PKIG: variants seen among roughly 807,000 people sequenced by gnomAD.
PKIG encodes cAMP-dependent protein kinase inhibitor gamma, also known as protein kinase (cAMP-dependent, catalytic) inhibitor gamma.
In PKIG, 1 loss-of-function variant was observed where a neutral mutation model predicts 6.8. The observed-to-expected ratio is 0.15, with a 90% CI of 0.05 to 0.69. PKIG has a LOEUF of 0.69. Ranked by LOEUF, PKIG falls within the 30% of genes least tolerant of loss-of-function variation. PKIG has a pLI of 0.82. For missense variants in PKIG, 77 were observed against 104.0 expected (o/e 0.74, Z 1.13); for synonymous variants, 39 against 43.0 (o/e 0.91, Z 0.36).
chr20:44,611,621 A>G (rs1444790937), intron 2 of PKIG, among the ~76,000 whole-genome samples: 1 of 150,572 alleles, frequency 6.6e-6, no homozygotes, highest in African/African-American at 2.5e-5. Flanking sequence ...GGTTCACGCC[A>G]TTCTCCTGCC....
chr20:44,534,163 G>A (rs773219018), intron 1 of PKIG, among the ~76,000 whole-genome samples: 1 of 152,152 alleles, frequency 6.6e-6, no homozygotes, highest in Non-Finnish European at 1.5e-5. Flanking sequence ...AATGCTGTTG[G>A]CAAAGAGCCA....
chr20:44,537,978 C>G (rs1360711750), intron 1 of PKIG, among the ~76,000 whole-genome samples: 1 of 152,144 alleles, frequency 6.6e-6, no homozygotes, highest in African/African-American at 2.4e-5. Context: ...GAGTATGTCA[C>G]AATTCTGTTA....
chr20:44,566,717 A>T (rs1182875118), intron 1 of PKIG, among the ~76,000 whole-genome samples: 1 of 152,168 alleles, frequency 6.6e-6, no homozygotes, highest in Non-Finnish European at 1.5e-5. Flanking sequence ...GTGGTGGTGC[A>T]CACTTGTAAT....
At chr20:44,591,983 A>G (rs4812841) in intron 2 of PKIG, among the ~76,000 whole-genome samples, 4,062 of 152,264 alleles carry the variant, frequency 0.027, 197 homozygotes, top group Admixed American at 0.14. Flanking sequence ...GGACCGGTCT[A>G]CAGAGGGGAG....
chr20:44,584,146 AG>A (rs1385901309), intron 1 of PKIG, among the ~76,000 whole-genome samples: 2 of 152,180 alleles, frequency 1.3e-5, no homozygotes, highest in Non-Finnish European at 2.9e-5. Context: ...CCATTGACTG[AG>A]GACAACCATC....
intron 2 of PKIG, among the ~76,000 whole-genome samples, chr20:44,599,940 G>T (rs948432839): frequency 2.6e-5 from 4 of 152,246 alleles, no homozygotes; most frequent in African/African-American, 9.6e-5. Context: ...GGGCAGCTCT[G>T]CCAGGGCTTT....
chr20:44,555,782 A>G (rs936091659), intron 1 of PKIG, among the ~76,000 whole-genome samples: 2 of 152,198 alleles, frequency 1.3e-5, no homozygotes, highest in African/African-American at 4.8e-5. Flanking sequence ...CTTGTGTGAT[A>G]AGGTCATAAA....
chr20:44,594,978 C>T (rs2065063099), intron 2 of PKIG, among the ~76,000 whole-genome samples: 1 of 152,198 alleles, frequency 6.6e-6, no homozygotes, highest in African/African-American at 2.4e-5. Context: ...ACTCAGGGCC[C>T]CTGGGAATCC....
intron 2 of PKIG, among the ~76,000 whole-genome samples, chr20:44,603,578 T>C (rs1333786189): frequency 6.6e-6 from 1 of 152,192 alleles, no homozygotes; most frequent in African/African-American, 2.4e-5. Context: ...AAAAGAGCTC[T>C]GGACCGGGAG....
At chr20:44,550,619 C>T (rs959121738) in intron 1 of PKIG, among the ~76,000 whole-genome samples, 7 of 152,124 alleles carry the variant, frequency 4.6e-5, no homozygotes, top group African/African-American at 1.7e-4. Flanking sequence ...GAAGCTTTCC[C>T]AGGCGTTTTT....
At chr20:44,542,679 G>T (rs959728744) in intron 1 of PKIG, among the ~76,000 whole-genome samples, 1 of 151,868 alleles carries the variant, frequency 6.6e-6, no homozygotes, top group African/African-American at 2.4e-5. Flanking sequence ...CTCAGCCTCC[G>T]CCTCCTGGGT....
chr20:44,597,665 C>G (rs1406034159), intron 2 of PKIG, among the ~76,000 whole-genome samples: 1 of 152,234 alleles, frequency 6.6e-6, no homozygotes, highest in African/African-American at 2.4e-5. Flanking sequence ...AACAGTCCAT[C>G]TGGATCACTG....
At chr20:44,561,392 A>C (rs1488274788) in intron 1 of PKIG, among the ~76,000 whole-genome samples, 1 of 152,220 alleles carries the variant, frequency 6.6e-6, no homozygotes, top group Non-Finnish European at 1.5e-5. Context: ...ATTTGAAAAA[A>C]TCCAAATAGA....
chr20:44,568,634 A>G (rs538882845), intron 1 of PKIG, among the ~76,000 whole-genome samples: 326 of 152,226 alleles, frequency 2.1e-3, no homozygotes, highest in African/African-American at 7.5e-3. Context: ...TAATTTTAGT[A>G]GAGACGGCGT....
chr20:44,604,244 G>T (rs2123439525), intron 2 of PKIG, among the ~76,000 whole-genome samples: 1 of 152,368 alleles, frequency 6.6e-6, no homozygotes, highest in East Asian at 1.9e-4. Flanking sequence ...GAAGAAGTCA[G>T]GCATGAGTTA....
At chr20:44,600,343 C>T (rs969806685) in intron 2 of PKIG, among the ~76,000 whole-genome samples, 6 of 152,216 alleles carry the variant, frequency 3.9e-5, no homozygotes, top group South Asian at 2.1e-4. Flanking sequence ...AGAAGTTGAA[C>T]GAAGCAGGGA....
At position 44,614,680 on chromosome 20, in the gene PKIG, A is replaced by G. The variant is rs1428780758; in HGVS notation, c.124A>G (p.Met42Val). ...AVSVRKLAGD[M>V]GELALEGAEG... ...GAGCGTGAGGAAGCTGGCTGGAGAC[A>G]TGGGCGAGCTGGCACTCGAGGGGGC... The change falls in exon 3 of 4, where the codon ATG (methionine) becomes GTG (valine). Residue 42 changes from methionine to valine, a missense_variant. By Grantham distance (21) the Met-to-Val change is conservative. Transcript: ENST00000372886. This position sits in a 1 kb window ranked among gnomAD's most constrained non-coding sequence, Gnocchi z 4.6. The G allele has an allele frequency of 1.2e-6, 2 of 1,613,884 alleles. No individual in the cohort carries two copies. The highest frequency in any genetic ancestry group is 1.3e-5 in the African/African-American group (1 of 75,034).
At chr20:44,588,941 A>G (rs1439103838) in intron 1 of PKIG, among the ~76,000 whole-genome samples, 2 of 152,222 alleles carry the variant, frequency 1.3e-5, no homozygotes, top group African/African-American at 4.8e-5. Context: ...AAAGTTTTCA[A>G]TCAAAACAGA....
intron 1 of PKIG, among the ~76,000 whole-genome samples, chr20:44,567,899 A>C (rs1316641079): frequency 6.6e-6 from 1 of 152,162 alleles, no homozygotes; most frequent in Non-Finnish European, 1.5e-5. Flanking sequence ...TAATCCCAGC[A>C]CTTTGGGAGG....
Sources: gnomAD v4.1 joint callset for allele counts (sites outside exome capture counted in the v4.1 genomes callset) on GRCh38, gnomAD v4.1.1 for gene constraint, Gnocchi (gnomAD v3.1) non-coding constraint, MANE v1.5 for transcripts, NCBI Gene and HGNC (gene_info 2026-07-23, HGNC 2026-07-21) for gene names.